The following SCRG1 variants were observed in gnomAD, a reference collection of about 807,000 sequenced individuals.
SCRG1 encodes the protein stimulator of chondrogenesis 1.
A neutral mutation model predicts 7.7 loss-of-function variants in SCRG1; 3 were observed. The observed-to-expected ratio is 0.39, with a 90% CI of 0.18 to 1.01. The LOEUF (loss-of-function observed/expected upper bound fraction) is 1.01, where lower values mean the gene tolerates loss of function less well. Ranked by LOEUF, SCRG1 falls within the 50% of genes least tolerant of loss-of-function variation. The pLI is 0.36. For synonymous variants in SCRG1, 46 were observed against 41.2 expected (o/e 1.12, Z -0.44); for missense variants, 110 against 117.2 (o/e 0.94, Z 0.28).
At chr4:173,416,292 A>G in the SCRG1 span, among the ~76,000 whole-genome samples, 2,283 of 152,332 alleles carry the variant, frequency 0.015, 64 homozygotes, top group African/African-American at 0.052. Context: ...CTCCCAACGC[A>G]CGGCTCAGAC....
the SCRG1 span, among the ~76,000 whole-genome samples, chr4:173,439,568 T>C: frequency 8.6e-5 from 13 of 151,604 alleles, no homozygotes; most frequent in East Asian, 2.3e-3. Context: ...ATGTATCATA[T>C]ACAATACAAA....
chr4:173,388,199 C>T lies in SCRG1; in HGVS notation c.*142G>A. ...AACTTTTATTACTACTTGTTTAACA[C>T]AGATTTACTTGTCTTAGACAAGTAA... On this transcript the variant is annotated 3_prime_UTR_variant, in exon 3 of 3. Transcript: ENST00000296506. 1 of 506,512 alleles carries T rather than the reference C, an allele frequency of 2.0e-6. No homozygotes were observed. The highest frequency in any genetic ancestry group is 4.4e-5 in the South Asian group (1 of 22,900). The allele number at this position is 506,512 out of a possible 1,614,324, so 31.4% of individuals were successfully genotyped here. A position where few individuals can be genotyped will look rare whatever the true frequency, so the allele number is the denominator to read the frequency against.
At chr4:173,446,218 GA>G in the SCRG1 span, among the ~76,000 whole-genome samples, 1 of 152,092 alleles carries the variant, frequency 6.6e-6, no homozygotes, top group Non-Finnish European at 1.5e-5. Flanking sequence ...TTAAGTTTCA[GA>G]GGGTCTATAA....
At chr4:173,450,261 A>G in the SCRG1 span, among the ~76,000 whole-genome samples, 469 of 152,322 alleles carry the variant, frequency 3.1e-3, no homozygotes, top group African/African-American at 9.4e-3. Context: ...AACCGCCCCC[A>G]TGATCCAATC....
At chr4:173,484,418 T>TATATTA in the SCRG1 span, among the ~76,000 whole-genome samples, 1 of 72,406 alleles carries the variant, frequency 1.4e-5, no homozygotes, top group African/African-American at 5.6e-5. Flanking sequence ...ACATATAATA[T>TATATTA]ATATTATATA....
At chr4:173,496,153 G>T in the SCRG1 span, among the ~76,000 whole-genome samples, 2 of 152,226 alleles carry the variant, frequency 1.3e-5, no homozygotes, top group South Asian at 4.1e-4. Flanking sequence ...AGTCTATGGG[G>T]GAATGAATGA....
chr4:173,506,165 T>G, the SCRG1 span, among the ~76,000 whole-genome samples: 1 of 152,350 alleles, frequency 6.6e-6, no homozygotes, highest in East Asian at 1.9e-4. This position sits in a 1 kb window ranked among gnomAD's most constrained non-coding sequence, Gnocchi z 5.3. Flanking sequence ...GGTAGGACTC[T>G]GGACTCCTCT....
At chr4:173,485,417 G>A in the SCRG1 span, among the ~76,000 whole-genome samples, 1 of 150,496 alleles carries the variant, frequency 6.6e-6, no homozygotes, top group Non-Finnish European at 1.5e-5. Flanking sequence ...CATGACTGAG[G>A]CTATCTGGGC....
the SCRG1 span, among the ~76,000 whole-genome samples, chr4:173,416,611 C>T: frequency 6.6e-6 from 1 of 152,124 alleles, no homozygotes; most frequent in African/African-American, 2.4e-5. Context: ...GAGTGGGACC[C>T]CGTCTCTTAA....
chr4:173,509,811 CTT>C, the SCRG1 span, among the ~76,000 whole-genome samples: 2 of 152,140 alleles, frequency 1.3e-5, no homozygotes, highest in Non-Finnish European at 1.5e-5. This position sits in a 1 kb window ranked among gnomAD's most constrained non-coding sequence, Gnocchi z 5.7. Context: ...GAAACCGACT[CTT>C]TTGCAAGAAA....
the SCRG1 span, among the ~76,000 whole-genome samples, chr4:173,456,933 C>A: frequency 3.7e-4 from 57 of 152,286 alleles, no homozygotes; most frequent in African/African-American, 1.2e-3. Context: ...AGCCTAGAGA[C>A]TGGTTTACTG....
the SCRG1 span, among the ~76,000 whole-genome samples, chr4:173,431,969 C>A: frequency 1.3e-5 from 2 of 152,154 alleles, no homozygotes. Context: ...TAAATAAAAT[C>A]AATTCAAACT....
chr4:173,435,543 T>C, the SCRG1 span, among the ~76,000 whole-genome samples: 5 of 152,330 alleles, frequency 3.3e-5, no homozygotes, highest in South Asian at 1.0e-3. Context: ...GAGTCTGAGA[T>C]ACAGTGACCA....
chr4:173,388,524 G>A lies in SCRG1; in HGVS notation c.243-129C>T, dbSNP rs113545272. The A allele has an allele frequency of 6.7e-3, 3,878 of 581,108 alleles. 115 individuals carry two copies. The highest frequency in any genetic ancestry group is 0.066 in the African/African-American group (3,437 of 52,410). The allele number at this position is 581,108 out of a possible 1,614,324, so 36.0% of individuals were successfully genotyped here. On this transcript the variant is annotated intron_variant, in intron 2 of 2. Coordinates refer to ENST00000296506, the MANE Select transcript of SCRG1 (RefSeq NM_007281.4). ...ATTATTCTTTTTAGGTGACTAAAAT[G>A]TAAAGAGATGAGTGGGAGGACTTGC... is the stretch of plus-strand genomic sequence containing the variant.
chr4:173,471,006 T>C, the SCRG1 span, among the ~76,000 whole-genome samples: 4 of 152,190 alleles, frequency 2.6e-5, no homozygotes, highest in Non-Finnish European at 5.9e-5. Context: ...CATATGCTTT[T>C]TGAAAATTAA....
chr4:173,483,242 G>T, the SCRG1 span, among the ~76,000 whole-genome samples: 33 of 55,936 alleles, frequency 5.9e-4, no homozygotes, highest in East Asian at 3.3e-3. Flanking sequence ...TATAATATAT[G>T]ATATATCATA....
chr4:173,450,672 TTCTC>T, the SCRG1 span, among the ~76,000 whole-genome samples: 38 of 152,306 alleles, frequency 2.5e-4, no homozygotes, highest in East Asian at 4.1e-3. Flanking sequence ...GAACTGCAGA[TTCTC>T]TCAGACTCTC....
At chr4:173,398,396 T>G (rs1277870788) in intron 1 of SCRG1, 1 of 152,210 alleles carries the variant, frequency 6.6e-6, no homozygotes, top group Non-Finnish European at 1.5e-5. Context: ...TCATCATCAC[T>G]GGAGAAAAGG....
At chr4:173,483,822 AAT>A in the SCRG1 span, among the ~76,000 whole-genome samples, 4 of 16,830 alleles carry the variant, frequency 2.4e-4, 1 homozygote, top group Middle Eastern at 0.05. Flanking sequence ...TAATATATAT[AAT>A]ATATATAATA....
Sources: allele counts gnomAD v4.1 joint callset (sites outside exome capture counted in the v4.1 genomes callset), GRCh38; gene constraint gnomAD v4.1.1; non-coding constraint Gnocchi (gnomAD v3.1); transcripts MANE v1.5; gene names NCBI Gene and HGNC (gene_info 2026-07-23, HGNC 2026-07-21).